Variants in ZC3H3 observed in about 807,000 individuals in gnomAD.
ZC3H3 encodes zinc finger CCCH domain-containing protein 3.
Under a neutral mutation model 77.3 loss-of-function variants are expected in ZC3H3, and 36 were observed. That is an observed-to-expected ratio of 0.47 (90% confidence interval 0.36 to 0.61). The LOEUF is 0.61. Ranked by LOEUF, ZC3H3 falls within the 20% of genes least tolerant of loss-of-function variation. ZC3H3 has a pLI of 0.00. For synonymous variants in ZC3H3, 626 were observed against 555.2 expected, an observed-to-expected ratio of 1.13 and a Z score of -1.79; for missense variants, 1,331 against 1,312.2, an observed-to-expected ratio of 1.01 and a Z score of -0.22.
intron 4 of ZC3H3, among the ~76,000 whole-genome samples, chr8:143,503,160 A>C (rs1821576730): frequency 6.6e-6 from 1 of 152,194 alleles, no homozygotes; most frequent in South Asian, 2.1e-4. Context: ...CCCCGCCCCA[A>C]GCAGCCACAT....
At chr8:143,499,209 G>T (rs1821451523) in intron 4 of ZC3H3, among the ~76,000 whole-genome samples, 1 of 152,128 alleles carries the variant, frequency 6.6e-6, no homozygotes, top group Admixed American at 6.5e-5. Flanking sequence ...CTCACTCCTG[G>T]CCGTCAGGGA....
At chr8:143,486,820 C>G in intron 4 of ZC3H3, among the ~76,000 whole-genome samples, 1 of 140,918 alleles carries the variant, frequency 7.1e-6, no homozygotes, top group Non-Finnish European at 1.5e-5. Context: ...CCACGAAGCT[C>G]AGACACAGAA....
At chr8:143,539,726 C>A (rs1304882347) in intron 1 of ZC3H3, among the ~76,000 whole-genome samples, 1 of 152,224 alleles carries the variant, frequency 6.6e-6, no homozygotes, top group Non-Finnish European at 1.5e-5. Flanking sequence ...GGCCCTCTGG[C>A]TTGCCTACAG....
chr8:143,495,991 C>T (rs1490911996), intron 4 of ZC3H3, among the ~76,000 whole-genome samples: 40 of 152,140 alleles, frequency 2.6e-4, no homozygotes, highest in Admixed American at 2.6e-3. Context: ...CACATGTGGA[C>T]CTCTAGTTAG....
intron 3 of ZC3H3, among the ~76,000 whole-genome samples, chr8:143,531,386 C>T (rs948584161): frequency 1.8e-4 from 28 of 152,296 alleles, no homozygotes; most frequent in African/African-American, 5.8e-4. Flanking sequence ...CCTGCCCCGC[C>T]CCCAGCCGAG....
intron 4 of ZC3H3, among the ~76,000 whole-genome samples, chr8:143,492,251 C>A (rs1486903048): frequency 6.6e-6 from 1 of 152,150 alleles, no homozygotes; most frequent in Non-Finnish European, 1.5e-5. Context: ...GGCGCCCCCT[C>A]CTCACCGGCC....
intron 3 of ZC3H3, among the ~76,000 whole-genome samples, chr8:143,517,146 G>A (rs184517276): frequency 2.6e-5 from 4 of 152,328 alleles, no homozygotes; most frequent in East Asian, 1.9e-4. Context: ...GCTAGTTCCC[G>A]TTAATTATTG....
chr8:143,498,937 C>A (rs1261152492), intron 4 of ZC3H3, among the ~76,000 whole-genome samples: 4 of 56,070 alleles, frequency 7.1e-5, no homozygotes, highest in African/African-American at 1.7e-4. Context: ...GGGCACAGGG[C>A]AGTGCAGGGG....
At chr8:143,444,170 T>C (rs1381245895) in intron 9 of ZC3H3, among the ~76,000 whole-genome samples, 2 of 152,074 alleles carry the variant, frequency 1.3e-5, no homozygotes, top group African/African-American at 4.8e-5. Context: ...GAGATGGGGT[T>C]TCACCTTGTT....
chr8:143,495,272 G>C (rs1821315581), intron 4 of ZC3H3, among the ~76,000 whole-genome samples: 1 of 152,252 alleles, frequency 6.6e-6, no homozygotes, highest in East Asian at 1.9e-4. Context: ...GCCTGAATCA[G>C]ATGCCAAGTG....
At chr8:143,457,208 A>T (rs988365922) in intron 9 of ZC3H3, among the ~76,000 whole-genome samples, 6 of 152,232 alleles carry the variant, frequency 3.9e-5, no homozygotes, top group Non-Finnish European at 8.8e-5. Flanking sequence ...ACAAACCGTG[A>T]GAAACTCAGA....
At chr8:143,452,291 T>C (rs979815239) in intron 9 of ZC3H3, among the ~76,000 whole-genome samples, 1 of 152,180 alleles carries the variant, frequency 6.6e-6, no homozygotes. Context: ...TGGAACTCCT[T>C]CCCCCAAGGC....
chr8:143,510,621 C>T (rs976835812), intron 3 of ZC3H3, among the ~76,000 whole-genome samples: 2 of 152,200 alleles, frequency 1.3e-5, no homozygotes, highest in African/African-American at 2.4e-5. Context: ...GCAGCGATGG[C>T]GTGGGCAGGT....
At chr8:143,456,381 C>T (rs952807547) in intron 9 of ZC3H3, among the ~76,000 whole-genome samples, 1 of 152,086 alleles carries the variant, frequency 6.6e-6, no homozygotes, top group Non-Finnish European at 1.5e-5. Flanking sequence ...AATTTTAAAA[C>T]ATGATTGAAC....
At chr8:143,445,346 A>T (rs1217580403) in intron 9 of ZC3H3, among the ~76,000 whole-genome samples, 1 of 150,948 alleles carries the variant, frequency 6.6e-6, no homozygotes, top group Non-Finnish European at 1.5e-5. Context: ...GCACCATTGT[A>T]GTCCAGCCTG....
Position 143,454,329 on chromosome 8 carries a change from G to A in ZC3H3, c.2307+11388C>T, listed in dbSNP as rs545188522. Among the ~76,000 whole-genome samples, 179 of 151,524 alleles carry A rather than the reference G, an allele frequency of 1.2e-3. 1 individual carries two copies. Among genetic ancestry groups the A allele is most frequent in the African/African-American group, 3.7e-3 (154 of 41,276 alleles). The stretch of plus-strand genomic sequence containing the variant: ...TGGTCTTGAACTTCTGACCTCAGGT[G>A]ATCTGCCCACCTTGGCCTTCCAAAG... On this transcript the variant is annotated intron_variant, in intron 9 of 11. Coordinates refer to ENST00000262577, the MANE Select transcript of ZC3H3 (RefSeq NM_015117.3).
intron 3 of ZC3H3, among the ~76,000 whole-genome samples, chr8:143,518,684 C>T (rs1413271947): frequency 6.6e-6 from 1 of 152,250 alleles, no homozygotes; most frequent in Non-Finnish European, 1.5e-5. Context: ...GCCACAGCAC[C>T]GGGGCCAGGC....
intron 4 of ZC3H3, among the ~76,000 whole-genome samples, chr8:143,483,260 G>A (rs1820956671): frequency 3.3e-5 from 5 of 152,218 alleles, no homozygotes; most frequent in Non-Finnish European, 5.9e-5. Context: ...CCCCATCACC[G>A]TGCTGGCTCG....
chr8:143,520,724 G>T (rs372756285), intron 3 of ZC3H3, among the ~76,000 whole-genome samples: 4 of 152,182 alleles, frequency 2.6e-5, no homozygotes, highest in East Asian at 3.9e-4. Context: ...CCAGATCCCA[G>T]CTGGCCAGCA....
Sources: gnomAD v4.1 joint callset for allele counts (sites outside exome capture counted in the v4.1 genomes callset) on GRCh38, gnomAD v4.1.1 for gene constraint, MANE v1.5 for transcripts, NCBI Gene and HGNC (gene_info 2026-07-23, HGNC 2026-07-21) for gene names.